CERS6: variants seen among roughly 807,000 people sequenced by gnomAD.
The protein encoded by CERS6 is ceramide synthase 6, also known as LAG1 homolog, ceramide synthase 6.
CERS6 carries 26 observed loss-of-function variants against 56.8 expected under a neutral mutation model. That is an observed-to-expected ratio of 0.46 (90% confidence interval 0.34 to 0.63). The LOEUF (loss-of-function observed/expected upper bound fraction) is 0.63, where lower values mean the gene tolerates loss of function less well. Among genes scored for constraint, CERS6 ranks in the 30% least tolerant of loss-of-function variants. CERS6 has a pLI of 0.01. For synonymous variants in CERS6, 164 were observed against 173.3 expected, an observed-to-expected ratio of 0.95 and a Z score of 0.42; for missense variants, 415 against 467.5, an observed-to-expected ratio of 0.89 and a Z score of 1.04.
At chr2:168,673,308 G>A (rs1213354613) in intron 4 of CERS6, among the ~76,000 whole-genome samples, 1 of 152,044 alleles carries the variant, frequency 6.6e-6, no homozygotes, top group African/African-American at 2.4e-5. Context: ...GCTTTTTATT[G>A]TCCTGATTAC....
At chr2:168,719,962 G>T (rs1015433724) in intron 8 of CERS6, among the ~76,000 whole-genome samples, 23 of 150,444 alleles carry the variant, frequency 1.5e-4, no homozygotes, top group Non-Finnish European at 7.4e-5. Context: ...TTAAGACAGA[G>T]TCTTTCCCTG....
intron 1 of CERS6, among the ~76,000 whole-genome samples, chr2:168,481,367 CTG>C (rs1461985705): frequency 1.3e-5 from 2 of 152,114 alleles, no homozygotes; most frequent in Non-Finnish European, 2.9e-5. Flanking sequence ...TGAGCTGAGA[CTG>C]TGCCACTGCA....
chr2:168,563,987 T>C (rs1695839232), intron 3 of CERS6, among the ~76,000 whole-genome samples: 1 of 152,170 alleles, frequency 6.6e-6, no homozygotes, highest in Non-Finnish European at 1.5e-5. Flanking sequence ...TTTGAAACTC[T>C]CTTCTTCCTT....
rs187646246 is a variant in CERS6, at chr2:168,774,990, A to G, written c.*5328A>G. 5 of 152,296 alleles carry G rather than the reference A, an allele frequency of 3.3e-5. No individual in the cohort carries two copies. The highest frequency in any genetic ancestry group is 1.2e-4 in the African/African-American group (5 of 41,558). 9.4% of individuals were successfully genotyped at this position (152,296 alleles called of 1,614,324 possible). On this transcript the variant is annotated 3_prime_UTR_variant, in exon 10 of 10. Transcript: ENST00000305747. The stretch of plus-strand genomic sequence containing the variant: ...AATGAAATACTGTTAGCCAATTAGA[A>G]TTATTTTATGTATTGTTATTGTGTT...
intron 9 of CERS6, chr2:168,766,283 TCTTA>T: frequency 6.3e-7 from 1 of 1,591,630 alleles, no homozygotes; most frequent in Non-Finnish European, 8.5e-7. Flanking sequence ...TGTGACATTT[TCTTA>T]CTTGTTTGTT....
At chr2:168,638,504 A>G (rs1684913827) in intron 4 of CERS6, among the ~76,000 whole-genome samples, 1 of 152,116 alleles carries the variant, frequency 6.6e-6, no homozygotes, top group Non-Finnish European at 1.5e-5. Flanking sequence ...ATTAAAATAT[A>G]TAAACAAAAA....
At chr2:168,532,927 T>A (rs569770115) in intron 1 of CERS6, among the ~76,000 whole-genome samples, 1 of 152,336 alleles carries the variant, frequency 6.6e-6, no homozygotes, top group Admixed American at 6.5e-5. Flanking sequence ...AGCATTTTTT[T>A]ATGTTACTAA....
intron 1 of CERS6, among the ~76,000 whole-genome samples, chr2:168,472,141 C>T (rs376325637): frequency 9.2e-5 from 14 of 152,274 alleles, no homozygotes; most frequent in African/African-American, 3.1e-4. Flanking sequence ...CTCAAACTTG[C>T]TTAGCAAATG....
At chr2:168,616,372 A>G (rs1395363357) in intron 3 of CERS6, among the ~76,000 whole-genome samples, 2 of 152,246 alleles carry the variant, frequency 1.3e-5, no homozygotes, top group African/African-American at 4.8e-5. Context: ...TGAATGCAAT[A>G]GTACCTCACA....
At chr2:168,731,312 A>G (rs1183400690) in intron 8 of CERS6, among the ~76,000 whole-genome samples, 1 of 152,188 alleles carries the variant, frequency 6.6e-6, no homozygotes, top group Non-Finnish European at 1.5e-5. Flanking sequence ...GTTAATCTGA[A>G]GCAGCACAAG....
chr2:168,513,369 C>T (rs1694829341), intron 1 of CERS6, among the ~76,000 whole-genome samples: 1 of 151,872 alleles, frequency 6.6e-6, no homozygotes, highest in African/African-American at 2.4e-5. Context: ...TTTTCTGTTC[C>T]AGGGTCCCAT....
chr2:168,538,962 G>GTTTTTT (rs1163359229), intron 1 of CERS6, among the ~76,000 whole-genome samples: 1 of 4,818 alleles, frequency 2.1e-4, no homozygotes, highest in African/African-American at 2.2e-4. Context: ...GGAAAATATT[G>GTTTTTT]TTTTTTTTTT....
chr2:168,487,926 C>A (rs568182965), intron 1 of CERS6, among the ~76,000 whole-genome samples: 140 of 152,106 alleles, frequency 9.2e-4, no homozygotes, highest in African/African-American at 3.0e-3. Flanking sequence ...TGCCATGTTG[C>A]CCAGGTTGGT....
chr2:168,536,790 C>T (rs773747402), intron 1 of CERS6, among the ~76,000 whole-genome samples: 1 of 151,930 alleles, frequency 6.6e-6, no homozygotes, highest in Non-Finnish European at 1.5e-5. Context: ...GAAAAATGTT[C>T]AAATGTTAAT....
intron 8 of CERS6, among the ~76,000 whole-genome samples, chr2:168,740,733 C>T (rs1428557851): frequency 1.3e-5 from 2 of 152,184 alleles, no homozygotes; most frequent in African/African-American, 4.8e-5. Context: ...TACACATATT[C>T]TAGATTATCT....
intron 1 of CERS6, among the ~76,000 whole-genome samples, chr2:168,535,771 A>T (rs1574049563): frequency 7.3e-6 from 1 of 137,582 alleles, no homozygotes; most frequent in South Asian, 2.4e-4. Flanking sequence ...TCTCGTGTGC[A>T]TTTTTAATTA....
intron 3 of CERS6, among the ~76,000 whole-genome samples, chr2:168,561,637 A>G (rs139165563): frequency 6.6e-6 from 1 of 152,340 alleles, no homozygotes; most frequent in East Asian, 1.9e-4. Flanking sequence ...AGATGTGGGT[A>G]GTTTGAATTT....
At chr2:168,651,339 T>C (rs888537397) in intron 4 of CERS6, among the ~76,000 whole-genome samples, 1 of 152,216 alleles carries the variant, frequency 6.6e-6, no homozygotes, top group African/African-American at 2.4e-5. Context: ...AAAGTAGTCA[T>C]TTATGTTCAT....
chr2:168,685,508 A>G (rs1018334630), intron 4 of CERS6, among the ~76,000 whole-genome samples: 4 of 152,182 alleles, frequency 2.6e-5, no homozygotes, highest in Non-Finnish European at 4.4e-5. Flanking sequence ...AAAGTAAAGT[A>G]TCAGACCTTA....
Sources: allele counts gnomAD v4.1 joint callset (sites outside exome capture counted in the v4.1 genomes callset), GRCh38; gene constraint gnomAD v4.1.1; transcripts MANE v1.5; gene names NCBI Gene and HGNC (gene_info 2026-07-23, HGNC 2026-07-21).